ZNF433: variants seen among roughly 807,000 people sequenced by gnomAD.
The protein encoded by ZNF433 is zinc finger protein 433.
Under a neutral mutation model 10.6 loss-of-function variants are expected in ZNF433, and 12 were observed. The ratio of observed to expected loss-of-function variants is 1.13; its 90% CI spans 0.72 to 1.83. ZNF433 has a LOEUF of 1.83. Among genes scored for constraint, ZNF433 ranks in the 40% most tolerant of loss-of-function variants. The pLI, the probability that ZNF433 is intolerant of heterozygous loss-of-function variation, is 0.00. For synonymous variants in ZNF433, 272 were observed against 271.3 expected (o/e 1.00, Z -0.02); for missense variants, 737 against 798.0 (o/e 0.92, Z 0.92).
chr19:12,017,992 T>C, intron 2 of ZNF433, 56 bp from the exon 3 acceptor site: 3 of 1,371,710 alleles, frequency 2.2e-6, no homozygotes, highest in South Asian at 2.7e-5. Flanking sequence ...ATTAAAAAAT[T>C]ACATGATTCT....
At chr19:12,030,631 C>T (rs1599375131) in intron 1 of ZNF433, among the ~76,000 whole-genome samples, 1 of 151,976 alleles carries the variant, frequency 6.6e-6, no homozygotes, top group Non-Finnish European at 1.5e-5. Context: ...GAGATCTATA[C>T]TAATAAAGAG....
In ZNF433 at chr19:12,015,137, A is replaced by G. The variant is rs750895287; in HGVS notation, c.1721T>C (p.Leu574Pro). The G allele has an allele frequency of 3.1e-6, 5 of 1,613,936 alleles. No individual in the cohort carries two copies. The East Asian group carries it at 1.1e-4, about 36-fold the overall frequency. ...AGTGTGAGTCCTTCCATGCATTTGAAGGTGTGAGGCAGATCCAAAGGCTTT... is the reference window on the plus strand; with the variant it reads ...AGTGTGAGTCCTTCCATGCATTTGAGGGTGTGAGGCAGATCCAAAGGCTTT... Reference protein sequence around the residue: ...CGKAFGSASHLQMHGRTHTGE... With the variant: ...CGKAFGSASHPQMHGRTHTGE... The change falls in exon 4 of 4, where the codon CTT becomes CCT. Residue 574 changes from leucine (L) to proline (P), a missense_variant. Leu to Pro is a moderately conservative substitution (Grantham distance 98, BLOSUM62 -3). Transcript: ENST00000550507.
At position 12,035,579 on chromosome 19, in the gene ZNF433, A is replaced by G; in HGVS notation, c.-40T>C. The G allele has an allele frequency of 6.4e-7, 1 of 1,560,896 alleles. No homozygotes were observed. Among genetic ancestry groups the G allele is most frequent in the Non-Finnish European group, 8.7e-7 (1 of 1,152,822 alleles). On this transcript the variant is annotated 5_prime_UTR_variant, in exon 1 of 4. Coordinates refer to ENST00000550507, the MANE Select transcript of ZNF433 (RefSeq NM_001308348.2). ...GTGACTCCCACGACCAGTGCGGGTC[A>G]CAGCACAGGCGACAGAAGCTATGGC...
intron 1 of ZNF433, among the ~76,000 whole-genome samples, chr19:12,020,363 C>T (rs1048935909): frequency 1.3e-5 from 2 of 152,012 alleles, no homozygotes; most frequent in Non-Finnish European, 2.9e-5. Context: ...TGGTGCTCAA[C>T]ATCAGGAGTC....
intron 1 of ZNF433, among the ~76,000 whole-genome samples, chr19:12,018,869 A>G (rs1974346081): frequency 6.6e-6 from 1 of 151,890 alleles, no homozygotes; most frequent in African/African-American, 2.4e-5. Flanking sequence ...AGCCTGGGCA[A>G]CAGAGTGAGA....
At chr19:12,025,634 G>A (rs1221771291) in intron 1 of ZNF433, 12 of 152,188 alleles carry the variant, frequency 7.9e-5, no homozygotes, top group Admixed American at 7.9e-4. Flanking sequence ...TTTGGCAAAT[G>A]GATGTCACAC....
intron 1 of ZNF433, among the ~76,000 whole-genome samples, chr19:12,022,489 C>T (rs1286614290): frequency 1.3e-5 from 2 of 152,152 alleles, no homozygotes; most frequent in Non-Finnish European, 2.9e-5. Flanking sequence ...GTTAGGGTCT[C>T]CATGACCGAG....
At chr19:12,027,674 G>T (rs1692989954) in intron 1 of ZNF433, among the ~76,000 whole-genome samples, 2 of 152,268 alleles carry the variant, frequency 1.3e-5, no homozygotes, top group South Asian at 4.1e-4. Context: ...ATAAATGTGG[G>T]TAAATCTCTT....
intron 1 of ZNF433, chr19:12,023,514 A>G (rs1407456484): frequency 6.6e-6 from 1 of 152,236 alleles, no homozygotes; most frequent in Non-Finnish European, 1.5e-5. Context: ...AAGGCAAAGC[A>G]GCTTACTGGG....
intron 1 of ZNF433, among the ~76,000 whole-genome samples, chr19:12,033,592 G>T (rs1386230713): frequency 6.6e-6 from 1 of 151,968 alleles, no homozygotes; most frequent in Non-Finnish European, 1.5e-5. Flanking sequence ...GGAGGCCAAG[G>T]CGGGTGGATC....
chr19:12,015,572 C>G lies in ZNF433; in HGVS notation c.1286G>C (p.Arg429Thr), dbSNP rs1357037942. The change falls in exon 4 of 4, where the codon AGA becomes ACA. Residue 429 changes from arginine (R) to threonine (T), a missense_variant. Coordinates refer to ENST00000550507, the MANE Select transcript of ZNF433 (RefSeq NM_001308348.2). Reference sequence around the variant, plus strand: ...ATGTGTTTGAAGGAGTGAGGCAGATCTGAAGGCTTTCCCACATTGCTTACA... The same window carrying G: ...ATGTGTTTGAAGGAGTGAGGCAGATGTGAAGGCTTTCCCACATTGCTTACA... ...YECKQCGKAF[R>T]SASLLQTHGR... 1 of 1,613,860 alleles carries G rather than the reference C, an allele frequency of 6.2e-7. No homozygotes were observed. Among genetic ancestry groups the G allele is most frequent in the Non-Finnish European group, 8.5e-7 (1 of 1,179,998 alleles).
intron 1 of ZNF433, among the ~76,000 whole-genome samples, chr19:12,033,000 T>G (rs549538391): frequency 6.6e-6 from 1 of 152,226 alleles, no homozygotes; most frequent in African/African-American, 2.4e-5. Context: ...CATGGGACAT[T>G]TCTCTGTGCC....
chr19:12,030,062 A>G, intron 1 of ZNF433: 1 of 327,216 alleles, frequency 3.1e-6, no homozygotes, highest in South Asian at 2.3e-5. Context: ...AGCCTGGGTG[A>G]CAGAGCAAGA....
At chr19:12,023,894 G>A (rs1388556238) in intron 1 of ZNF433, 2 of 152,110 alleles carry the variant, frequency 1.3e-5, no homozygotes, top group Middle Eastern at 3.4e-3. Context: ...AATGGGGTAT[G>A]TCCTAGGAAA....
At chr19:12,021,333 TTTG>T (rs1974485799) in intron 1 of ZNF433, among the ~76,000 whole-genome samples, 1 of 152,158 alleles carries the variant, frequency 6.6e-6, no homozygotes, top group African/African-American at 2.4e-5. Flanking sequence ...TTGTCTAGGC[TTTG>T]GCCTTCTTCT....
chr19:12,016,470 C>T lies in ZNF433; in HGVS notation c.388G>A (p.Glu130Lys), dbSNP rs1256464601. The T allele has an allele frequency of 5.6e-6, 9 of 1,614,144 alleles. 1 individual carries two copies. In the South Asian group the frequency reaches 9.9e-5, roughly 18 times the overall value. ...IRDDTGHKAYEYQEYGQKPYK... is the reference protein window; with the variant it reads ...IRDDTGHKAYKYQEYGQKPYK... ...GGTTTCTGTCCATATTCTTGATACT[C>T]ATATGCCTTGTGTCCAGTGTCATCT... The change falls in exon 4 of 4, where the codon GAG (glutamate) becomes AAG (lysine). Residue 130 changes from glutamate (E) to lysine (K), a missense_variant. Coordinates refer to ENST00000550507, the MANE Select transcript of ZNF433 (RefSeq NM_001308348.2).
rs1437850019 is a variant in ZNF433, at chr19:12,018,189, G to T, written c.107C>A (p.Thr36Asn). The change falls in exon 2 of 4, where the codon ACC (threonine) becomes AAC (asparagine). Residue 36 changes from threonine (T) to asparagine (N), a missense_variant. Thr to Asn is a moderately conservative substitution (Grantham distance 65, BLOSUM62 0). Transcript: ENST00000550507. ...KNLCRDVMQETFRNLASIGKK... is the reference protein window; with the variant it reads ...KNLCRDVMQENFRNLASIGKK... The stretch of plus-strand genomic sequence containing the variant: ...ACCTATAGAGGCCAGGTTCCTGAAG[G>T]TTTCTTGCATCACATCTCTACAGAG... 1 of 1,604,610 alleles carries T rather than the reference G, an allele frequency of 6.2e-7. No homozygotes were observed. The highest frequency in any genetic ancestry group is 1.3e-5 in the African/African-American group (1 of 74,302).
At chr19:12,023,260 T>A (rs1845820822) in intron 1 of ZNF433, 1 of 152,158 alleles carries the variant, frequency 6.6e-6, no homozygotes, top group African/African-American at 2.4e-5. Context: ...CCAACAGGGG[T>A]CTGTGGACAC....
At position 12,016,588 on chromosome 19, in the gene ZNF433, C is replaced by T. The variant is rs1259760264; in HGVS notation, c.270G>A (p.Met90Ile). 1 of 1,614,020 alleles carries T rather than the reference C, an allele frequency of 6.2e-7. No individual in the cohort carries two copies. ...TTACTCCAGTAGTTGTTTTCTTCAGCATGTCATCTGGAACCTGGGTCAAAA... is the reference window on the plus strand; with the variant it reads ...TTACTCCAGTAGTTGTTTTCTTCAGTATGTCATCTGGAACCTGGGTCAAAA... ...GEILTQVPDD[M>I]LKKTTTGVKS... is the part of the protein sequence containing the mutation. The change falls in exon 4 of 4, where the codon ATG becomes ATA. Residue 90 changes from methionine to isoleucine, a missense_variant. By Grantham distance (10) the Met-to-Ile change is conservative. Coordinates refer to ENST00000550507, the MANE Select transcript of ZNF433 (RefSeq NM_001308348.2).
Sources: gnomAD v4.1 joint callset for allele counts (sites outside exome capture counted in the v4.1 genomes callset) on GRCh38, gnomAD v4.1.1 for gene constraint, MANE v1.5 for transcripts, NCBI Gene and HGNC (gene_info 2026-07-23, HGNC 2026-07-21) for gene names.